Variants in HDDC2 observed in about 807,000 individuals in gnomAD.
HDDC2 encodes the protein 5'-deoxynucleotidase HDDC2.
HDDC2 carries 25 observed loss-of-function variants against 25.5 expected under a neutral mutation model. That is an observed-to-expected ratio of 0.98 (90% CI 0.72 to 1.37). HDDC2 has a LOEUF of 1.37. Among genes scored for constraint, HDDC2 ranks in the 40% most tolerant of loss-of-function variants. HDDC2 has a pLI of 0.00. For synonymous variants in HDDC2, 106 were observed against 89.7 expected, an observed-to-expected ratio of 1.18 and a Z score of -1.03; for missense variants, 264 against 253.1, an observed-to-expected ratio of 1.04 and a Z score of -0.29.
chr6:125,285,430 A>G (rs1021053407), intron 4 of HDDC2, among the ~76,000 whole-genome samples: 8 of 152,212 alleles, frequency 5.3e-5, no homozygotes, highest in African/African-American at 1.9e-4. Flanking sequence ...CACAAGGAAC[A>G]CAAGGGTAAT....
At chr6:125,289,507 A>G (rs966163560) in intron 4 of HDDC2, among the ~76,000 whole-genome samples, 68 of 137,120 alleles carry the variant, frequency 5.0e-4, no homozygotes, top group African/African-American at 2.0e-3. Context: ...AAAAAAAACA[A>G]AACAAAACAA....
At chr6:125,288,284 G>A (rs897497710) in intron 4 of HDDC2, among the ~76,000 whole-genome samples, 3 of 152,090 alleles carry the variant, frequency 2.0e-5, no homozygotes, top group Non-Finnish European at 4.4e-5. Flanking sequence ...GGGAGGGGGA[G>A]AAAGGGGCAG....
chr6:125,300,437 AAACT>A, intron 2 of HDDC2, 97 bp downstream of exon 2: 1 of 1,411,232 alleles, frequency 7.1e-7, no homozygotes, highest in Non-Finnish European at 9.5e-7. Context: ...CTTGACCTAT[AAACT>A]AACCTACAAG....
chr6:125,280,871 G>A (rs532968986), intron 4 of HDDC2, among the ~76,000 whole-genome samples: 35 of 152,310 alleles, frequency 2.3e-4, no homozygotes, highest in African/African-American at 8.2e-4. Flanking sequence ...CTCTGCTAAG[G>A]GACAGACTCT....
chr6:125,285,695 T>C (rs1394538087), intron 4 of HDDC2, among the ~76,000 whole-genome samples: 1 of 152,050 alleles, frequency 6.6e-6, no homozygotes, highest in Non-Finnish European at 1.5e-5. Context: ...GCTAAATACC[T>C]AAGGATATTA....
intron 5 of HDDC2, 169 bp from the exon 6 acceptor site, chr6:125,276,412 C>T: frequency 1.7e-6 from 1 of 595,096 alleles, no homozygotes; most frequent in Non-Finnish European, 3.0e-6. Flanking sequence ...CTGAAGGGGA[C>T]CACTTGGCAT....
chr6:125,294,381 T>C (rs530926633), intron 3 of HDDC2, among the ~76,000 whole-genome samples: 9 of 152,348 alleles, frequency 5.9e-5, no homozygotes, highest in African/African-American at 9.6e-5. Context: ...CATCACCATC[T>C]TGAATGGCTT....
intron 4 of HDDC2, among the ~76,000 whole-genome samples, chr6:125,290,540 T>C (rs1050306123): frequency 2.0e-5 from 3 of 152,194 alleles, no homozygotes; most frequent in African/African-American, 7.2e-5. Context: ...TATTTGGAAA[T>C]AGGGTCTCGA....
At chr6:125,301,264 G>A (rs1363303138) in intron 1 of HDDC2, among the ~76,000 whole-genome samples, 1 of 152,148 alleles carries the variant, frequency 6.6e-6, no homozygotes, top group Non-Finnish European at 1.5e-5. Flanking sequence ...GGAGAGAGAC[G>A]GGGAAGACGC....
chr6:125,276,491 C>T (rs2115098450), intron 5 of HDDC2: 2 of 477,320 alleles, frequency 4.2e-6, no homozygotes, highest in East Asian at 7.1e-5. Context: ...ATCAATTAGG[C>T]AGAGGTAGGG....
chr6:125,276,410 G>C (rs1798370674), intron 5 of HDDC2, 167 bp from the exon 6 acceptor site: 3 of 598,592 alleles, frequency 5.0e-6, no homozygotes, highest in Non-Finnish European at 8.9e-6. Flanking sequence ...GGCTGAAGGG[G>C]ACCACTTGGC....
At chr6:125,291,591 C>T (rs1583053544) in intron 4 of HDDC2, among the ~76,000 whole-genome samples, 1 of 152,038 alleles carries the variant, frequency 6.6e-6, no homozygotes, top group African/African-American at 2.4e-5. Flanking sequence ...CAGGTCAGGT[C>T]AAATTTCCTA....
chr6:125,293,018 C>A (rs770161464), intron 3 of HDDC2, 109 bp from the exon 4 acceptor site: 11 of 872,430 alleles, frequency 1.3e-5, no homozygotes, highest in Admixed American at 5.3e-5. Context: ...CTCACAGGGG[C>A]AGCAGAGTAA....
Position 125,276,181 on chromosome 6 carries a change from T to C in HDDC2, c.580A>G (p.Asn194Asp). 1 of 1,614,146 alleles carries C rather than the reference T, an allele frequency of 6.2e-7. No homozygotes were observed. The change falls in exon 6 of 6, where the codon AAC (asparagine) becomes GAC (aspartate). Residue 194 changes from asparagine to aspartate, a missense_variant. By Grantham distance (23) the Asn-to-Asp change is conservative. Transcript: ENST00000398153. ...VSELEAERST[N>D]IAAAASEPHS ...GGCTCACTGGCAGCTGCAGCTATGT[T>C]AGTGCTTCTTTCTGCCTCAAGTTCA...
Position 125,298,760 on chromosome 6 carries a change from G to A in HDDC2, c.263C>T (p.Ala88Val), listed in dbSNP as rs1045695906. 1.2e-6 allele frequency: 2 copies of A among 1,614,058 alleles called. No homozygotes were observed. Among genetic ancestry groups the A allele is most frequent in the Non-Finnish European group, 1.7e-6 (2 of 1,179,960 alleles). Residue 88 changes from alanine to valine, a missense_variant, in exon 3 of 6, where the codon GCA (alanine) becomes GTA (valine). Ala to Val is a moderately conservative substitution (Grantham distance 64). Transcript: ENST00000398153. ...DMAECIVGDI[A>V]PADNIPKEEK... ...TTCTTTGGGGATGTTATCTGCTGGT[G>A]CTATGTCCCCAACGATGCATTCTGC...
At chr6:125,283,002 T>G (rs1798481122) in intron 4 of HDDC2, among the ~76,000 whole-genome samples, 4 of 152,264 alleles carry the variant, frequency 2.6e-5, no homozygotes, top group Admixed American at 2.6e-4. Flanking sequence ...GATGCAAGGC[T>G]GGTTTAACAT....
chr6:125,284,410 T>C (rs1246116746), intron 4 of HDDC2, among the ~76,000 whole-genome samples: 1 of 152,092 alleles, frequency 6.6e-6, no homozygotes, highest in South Asian at 2.1e-4. Flanking sequence ...CTGCAATCTA[T>C]CCATCTGACA....
At chr6:125,276,501 G>C in intron 5 of HDDC2, 3 of 454,914 alleles carry the variant, frequency 6.6e-6, no homozygotes, top group Non-Finnish European at 1.2e-5. Flanking sequence ...CAGAGGTAGG[G>C]GAAACTTCAC....
chr6:125,288,477 G>C (rs1434405056), intron 4 of HDDC2, among the ~76,000 whole-genome samples: 1 of 152,310 alleles, frequency 6.6e-6, no homozygotes, highest in Admixed American at 6.5e-5. Flanking sequence ...GAGGGACAAG[G>C]AGTCCAAGCA....
Sources: gnomAD v4.1 joint callset for allele counts (sites outside exome capture counted in the v4.1 genomes callset) on GRCh38, gnomAD v4.1.1 for gene constraint, MANE v1.5 for transcripts, NCBI Gene and HGNC (gene_info 2026-07-23, HGNC 2026-07-21) for gene names.